Variants in VPS53 observed in about 807,000 individuals in gnomAD.
VPS53 encodes vacuolar protein sorting-associated protein 53 homolog.
Under a neutral mutation model 107.0 loss-of-function variants are expected in VPS53, and 70 were observed. The ratio of observed to expected loss-of-function variants is 0.65; its 90% CI spans 0.54 to 0.80. The LOEUF (loss-of-function observed/expected upper bound fraction) is 0.80, where lower values mean the gene tolerates loss of function less well. Ranked by LOEUF, VPS53 falls within the 30% of genes least tolerant of loss-of-function variation. The pLI, the probability that VPS53 is intolerant of heterozygous loss-of-function variation, is 0.00. For missense variants in VPS53, 917 were observed against 1,049.4 expected, an observed-to-expected ratio of 0.87 and a Z score of 1.74; for synonymous variants, 409 against 393.3, an observed-to-expected ratio of 1.04 and a Z score of -0.47.
intron 11 of VPS53, among the ~76,000 whole-genome samples, chr17:608,269 T>A (rs1968675673): frequency 6.6e-6 from 1 of 152,220 alleles, no homozygotes; most frequent in Admixed American, 6.5e-5. Context: ...AGACCCTAAG[T>A]GCCTTCCCGA....
At chr17:537,251 G>A (rs1323039753) in intron 17 of VPS53, 75 bp from the exon 18 acceptor site, 10 of 1,538,288 alleles carry the variant, frequency 6.5e-6, no homozygotes, top group Middle Eastern at 2.1e-4. Flanking sequence ...GAAGGGAGGG[G>A]CTGGAGTGGA....
At chr17:644,040 G>C (rs189819492) in intron 7 of VPS53, among the ~76,000 whole-genome samples, 2 of 152,332 alleles carry the variant, frequency 1.3e-5, no homozygotes, top group Non-Finnish European at 2.9e-5. Context: ...TCAAGAGAAT[G>C]TAAGGCTCTT....
chr17:525,528 A>G (rs1449908245), intron 19 of VPS53, among the ~76,000 whole-genome samples: 1 of 151,914 alleles, frequency 6.6e-6, no homozygotes, highest in African/African-American at 2.4e-5. Context: ...GTCTCTACAA[A>G]AACAAAAATA....
chr17:592,174 G>A (rs569537069), intron 12 of VPS53, among the ~76,000 whole-genome samples: 2 of 152,078 alleles, frequency 1.3e-5, no homozygotes. Context: ...GATCTTTGTT[G>A]GTTTAAAGTC....
Position 661,910 on chromosome 17 carries a change from A to G in VPS53, c.286-15T>C, listed in dbSNP as rs946654417. 5 of 1,548,994 alleles carry G rather than the reference A, an allele frequency of 3.2e-6. No homozygotes were observed. The African/African-American group carries it at 5.5e-5, about 17-fold the overall frequency. On this transcript the variant is annotated splice_polypyrimidine_tract_variant and intron_variant, in intron 4 of 21. Transcript: ENST00000437048. ...TCTTCAAGCGCCTAGAGTAAGGGAA[A>G]TACATGAAAAACAAAAAGTGGCTAG...
At chr17:572,629 C>T (rs1417975579) in intron 13 of VPS53, among the ~76,000 whole-genome samples, 7 of 151,714 alleles carry the variant, frequency 4.6e-5, no homozygotes, top group Non-Finnish European at 8.8e-5. Flanking sequence ...GGATGGTTGC[C>T]GTGTCTGTGT....
At chr17:702,496 T>C (rs1973242387) in intron 2 of VPS53, among the ~76,000 whole-genome samples, 1 of 151,964 alleles carries the variant, frequency 6.6e-6, no homozygotes, top group South Asian at 2.1e-4. Flanking sequence ...ACCCCGTCTC[T>C]ACTAAAAATA....
chr17:647,681 GA>G (rs1309457908), intron 7 of VPS53, among the ~76,000 whole-genome samples: 1 of 152,188 alleles, frequency 6.6e-6, no homozygotes, highest in Non-Finnish European at 1.5e-5. Flanking sequence ...GGGTAGGAAG[GA>G]TGAGGGAAAG....
intron 4 of VPS53, among the ~76,000 whole-genome samples, chr17:694,226 C>T (rs573403592): frequency 3.3e-5 from 5 of 152,342 alleles, no homozygotes; most frequent in Non-Finnish European, 5.9e-5. Flanking sequence ...GATTGAAATG[C>T]TATCTAAACA....
intron 2 of VPS53, among the ~76,000 whole-genome samples, chr17:700,486 G>T (rs1432594738): frequency 6.6e-6 from 1 of 152,110 alleles, no homozygotes. Context: ...GGGAGGCAGA[G>T]GTTGCAGTGA....
intron 13 of VPS53, among the ~76,000 whole-genome samples, chr17:574,479 C>T (rs1246048581): frequency 1.3e-5 from 2 of 152,084 alleles, no homozygotes; most frequent in East Asian, 3.9e-4. Context: ...AAACCCTGGG[C>T]CTTGGCTGGG....
chr17:605,178 C>T (rs1412713392), intron 11 of VPS53, among the ~76,000 whole-genome samples: 1 of 152,174 alleles, frequency 6.6e-6, no homozygotes, highest in Admixed American at 6.5e-5. Context: ...GGCATCCACT[C>T]TGCTCCAGGC....
At chr17:674,744 T>C (rs1004700843) in intron 4 of VPS53, 1 of 152,256 alleles carries the variant, frequency 6.6e-6, no homozygotes, top group Non-Finnish European at 1.5e-5. Flanking sequence ...AATCTGCTTT[T>C]AAATGTTTGT....
At chr17:631,908 G>C (rs548757933) in intron 7 of VPS53, among the ~76,000 whole-genome samples, 6 of 152,116 alleles carry the variant, frequency 3.9e-5, no homozygotes, top group African/African-American at 1.2e-4. Context: ...AGTTCCACTG[G>C]GGGATAGTCA....
At chr17:713,480 C>T (rs1036206006) in intron 1 of VPS53, among the ~76,000 whole-genome samples, 1 of 150,598 alleles carries the variant, frequency 6.6e-6, no homozygotes, top group Non-Finnish European at 1.5e-5. Flanking sequence ...TGGTGAAACC[C>T]GGTCTCTACT....
chr17:567,885 T>A (rs1169169767), intron 13 of VPS53, among the ~76,000 whole-genome samples: 1 of 128,830 alleles, frequency 7.8e-6, no homozygotes, highest in Non-Finnish European at 1.6e-5. Flanking sequence ...CAAGACATTG[T>A]CGAAGGGGAG....
chr17:682,163 A>G (rs1471755694), intron 4 of VPS53, among the ~76,000 whole-genome samples: 3 of 152,184 alleles, frequency 2.0e-5, no homozygotes, highest in African/African-American at 4.8e-5. Context: ...GTACTTGGTG[A>G]TAAGCCTTTT....
At chr17:702,809 T>C (rs1400507188) in intron 2 of VPS53, among the ~76,000 whole-genome samples, 3 of 152,138 alleles carry the variant, frequency 2.0e-5, no homozygotes, top group Admixed American at 1.3e-4. Context: ...TTAATGTGGA[T>C]CTCCTAGGCA....
chr17:711,424 G>T (rs1297860974), intron 1 of VPS53, among the ~76,000 whole-genome samples: 1 of 152,244 alleles, frequency 6.6e-6, no homozygotes, highest in Non-Finnish European at 1.5e-5. Context: ...ACAACTGTTA[G>T]AAAAGCTGAA....
Sources: allele counts gnomAD v4.1 joint callset (sites outside exome capture counted in the v4.1 genomes callset), GRCh38; gene constraint gnomAD v4.1.1; transcripts MANE v1.5; gene names NCBI Gene and HGNC (gene_info 2026-07-23, HGNC 2026-07-21).